Variants in FHAD1 observed in about 807,000 individuals in gnomAD.
The protein encoded by FHAD1 is forkhead-associated domain-containing protein 1.
In FHAD1, 146 loss-of-function variants were observed where a neutral mutation model predicts 191.3. That is an observed-to-expected ratio of 0.76 (90% confidence interval 0.67 to 0.88). The LOEUF is 0.88. Among genes scored for constraint, FHAD1 ranks in the 40% least tolerant of loss-of-function variants. FHAD1 has a pLI of 0.00. For missense variants in FHAD1, 1,635 were observed against 1,785.8 expected, an observed-to-expected ratio of 0.92 and a Z score of 1.52; for synonymous variants, 616 against 672.3, an observed-to-expected ratio of 0.92 and a Z score of 1.29.
rs886442588 is a variant in FHAD1 at position 15,359,158 on chromosome 1, C to T, written c.2736+875C>T. On this transcript the variant is annotated intron_variant, in intron 21 of 33. Coordinates refer to ENST00000688493, the MANE Select transcript of FHAD1 (RefSeq NM_001391957.1). Reference sequence around the variant, plus strand: ...GTCATGGTGGGGGGTTCTCTTGGAGCGACCCTCTTTTGGAGAAGAGGAGAC... The same window carrying T: ...GTCATGGTGGGGGGTTCTCTTGGAGTGACCCTCTTTTGGAGAAGAGGAGAC... Among the ~76,000 whole-genome samples, 9 of 152,062 alleles carry T rather than the reference C, an allele frequency of 5.9e-5. No individual in the cohort carries two copies. The East Asian group carries it at 7.7e-4, about 13-fold the overall frequency.
At chr1:15,383,436 C>T (rs946695174) in intron 31 of FHAD1, 9 of 353,010 alleles carry the variant, frequency 2.5e-5, no homozygotes, top group Non-Finnish European at 3.9e-5. Context: ...AGGGTCTACA[C>T]ACTGGAAAGT....
chr1:15,281,619 G>A (rs1301832122), intron 3 of FHAD1, among the ~76,000 whole-genome samples: 1 of 151,930 alleles, frequency 6.6e-6, no homozygotes, highest in Non-Finnish European at 1.5e-5. Context: ...AAATTAGCCA[G>A]GTGTGGTGGT....
At position 15,316,541 on chromosome 1, in the gene FHAD1, C is replaced by A; in HGVS notation, c.1260+74C>A. The stretch of plus-strand genomic sequence containing the variant: ...TGACCTTGAGGTTCTTGGTGGGATC[C>A]TGGGCCATCACTAAGCATGAAGCTC... On this transcript the variant is annotated intron_variant, in intron 9 of 33. Transcript: ENST00000688493. This position sits in a 1 kb window ranked among gnomAD's most constrained non-coding sequence, Gnocchi z 4.3. The A allele has an allele frequency of 7.9e-7, 1 of 1,264,642 alleles. No individual in the cohort carries two copies. The highest frequency in any genetic ancestry group is 1.1e-6 in the Non-Finnish European group (1 of 892,360). 78.3% of individuals were successfully genotyped at this position (1,264,642 alleles called of 1,614,324 possible). A position where few individuals can be genotyped will look rare whatever the true frequency, so the allele number is the denominator to read the frequency against.
chr1:15,373,567 T>C (rs1698729134), intron 26 of FHAD1, among the ~76,000 whole-genome samples: 2 of 149,158 alleles, frequency 1.3e-5, no homozygotes, highest in Non-Finnish European at 3.0e-5. Context: ...TAAACCCAAC[T>C]CTAGGCTGGT....
chr1:15,369,387 A>G lies in FHAD1; in HGVS notation c.3332A>G (p.His1111Arg). The change falls in exon 26 of 34, where the codon CAC becomes CGC. Residue 1111 changes from histidine to arginine, a missense_variant. Transcript: ENST00000688493. The part of the protein sequence containing the change: ...EEALRASQEK[H>R]RLQLNTEKEQ... ...TACCCTAGGGCTTCCCAAGAGAAAC[A>G]CAGACTCCAGCTGAACACAGAGAAG... The G allele has an allele frequency of 6.4e-7, 1 of 1,552,034 alleles. No individual in the cohort carries two copies. Among genetic ancestry groups the G allele is most frequent in the Non-Finnish European group, 8.7e-7 (1 of 1,147,060 alleles).
chr1:15,293,165 A>G (rs1478648791), intron 4 of FHAD1, among the ~76,000 whole-genome samples: 1 of 152,150 alleles, frequency 6.6e-6, no homozygotes, highest in Non-Finnish European at 1.5e-5. Flanking sequence ...CGTTTTGACA[A>G]TTGTATACAC....
rs1199027755 is a variant in FHAD1, at chr1:15,365,143, T to C, written c.3048-684T>C. The stretch of plus-strand genomic sequence containing the variant: ...AGCCACATTGTCTTCCTCTCTTTTT[T>C]CTTCCCTGTCCCCAAAGAATCCCTG... On this transcript the variant is annotated intron_variant, in intron 23 of 33. Coordinates refer to ENST00000688493, the MANE Select transcript of FHAD1 (RefSeq NM_001391957.1). Among the ~76,000 whole-genome samples, 7 of 152,170 alleles carry C rather than the reference T, an allele frequency of 4.6e-5. 1 individual carries two copies. Among genetic ancestry groups the C allele is most frequent in the South Asian group, 4.1e-4 (2 of 4,834 alleles).
At chr1:15,376,936 G>A (rs899927700) in intron 28 of FHAD1, among the ~76,000 whole-genome samples, 2 of 152,184 alleles carry the variant, frequency 1.3e-5, no homozygotes, top group Admixed American at 6.5e-5. Flanking sequence ...GGCTAGTCAG[G>A]AGGCTGACAT....
chr1:15,384,756 C>T (rs1438036485), intron 31 of FHAD1, among the ~76,000 whole-genome samples: 3 of 152,176 alleles, frequency 2.0e-5, no homozygotes, highest in Non-Finnish European at 2.9e-5. Flanking sequence ...AGTAGAGCCA[C>T]GATCACAGCA....
intron 2 of FHAD1, among the ~76,000 whole-genome samples, chr1:15,256,375 A>G (rs1648054291): frequency 3.3e-5 from 5 of 152,124 alleles, no homozygotes; most frequent in Non-Finnish European, 1.5e-5. Flanking sequence ...CCGCACAGCC[A>G]GGCACGGTGG....
rs11588971 is a variant in FHAD1 at position 15,375,460 on chromosome 1, A to G, written c.3578-143A>G. The G allele has an allele frequency of 0.023, 16,958 of 748,822 alleles. 1,910 individuals are homozygous for G. The African/African-American group carries it at 0.25, about 11-fold the overall frequency. 46.4% of individuals were successfully genotyped at this position (748,822 alleles called of 1,614,324 possible). A position where few individuals can be genotyped will look rare whatever the true frequency, so the allele number is the denominator to read the frequency against. On this transcript the variant is annotated intron_variant, in intron 27 of 33. Transcript: ENST00000688493. The stretch of plus-strand genomic sequence containing the variant: ...CTTGGCCAGGTCATTTAATCTCTCT[A>G]GGACTGTGTCCTCATCTGCCACGGG...
At chr1:15,321,481 T>C (rs1676238532) in intron 10 of FHAD1, among the ~76,000 whole-genome samples, 1 of 152,230 alleles carries the variant, frequency 6.6e-6, no homozygotes, top group Non-Finnish European at 1.5e-5. Flanking sequence ...GACTTAGAGA[T>C]TGACACTTTA....
In FHAD1 at chr1:15,289,283, C is replaced by G; in HGVS notation, c.301-116C>G. The G allele has an allele frequency of 7.3e-7, 1 of 1,377,980 alleles. No individual in the cohort carries two copies. The highest frequency in any genetic ancestry group is 2.6e-4 in the Middle Eastern group (1 of 3,810). 85.4% of individuals were successfully genotyped at this position (1,377,980 alleles called of 1,614,324 possible). ...GATTATAGCTGTGTGCCACCCTGCC[C>G]GACCGGAAGTGACTCATAAACCAAG... is the stretch of plus-strand genomic sequence containing the variant. On this transcript the variant is annotated intron_variant, in intron 3 of 33. Coordinates refer to ENST00000688493, the MANE Select transcript of FHAD1 (RefSeq NM_001391957.1). The surrounding 1 kb of genome is among the most constrained non-coding windows in gnomAD (Gnocchi z 4.2).
At chr1:15,244,566 G>A (rs1219708468), upstream of FHAD1, among the ~76,000 whole-genome samples, 1 of 152,144 alleles carries the variant, frequency 6.6e-6, no homozygotes, top group Non-Finnish European at 1.5e-5. This position sits in a 1 kb window ranked among gnomAD's most constrained non-coding sequence, Gnocchi z 5.1. Context: ...TAGAGAAGCC[G>A]ACATCCTGGG....
intron 33 of FHAD1, among the ~76,000 whole-genome samples, chr1:15,394,798 C>T (rs1261347260): frequency 6.6e-6 from 1 of 152,096 alleles, no homozygotes; most frequent in Non-Finnish European, 1.5e-5. Flanking sequence ...GCCCTCTTGC[C>T]CCAGGTGTAT....
At chr1:15,319,024 T>C (rs1675435232) in intron 10 of FHAD1, among the ~76,000 whole-genome samples, 1 of 152,084 alleles carries the variant, frequency 6.6e-6, no homozygotes, top group Non-Finnish European at 1.5e-5. Flanking sequence ...AAGACAGAGC[T>C]TCACTATGTT....
chr1:15,317,145 C>T (rs1223617840), intron 9 of FHAD1, among the ~76,000 whole-genome samples: 2 of 152,140 alleles, frequency 1.3e-5, no homozygotes, highest in Non-Finnish European at 2.9e-5. Context: ...GAGCCGAGAT[C>T]GTGCCATTGC....
intron 23 of FHAD1, among the ~76,000 whole-genome samples, chr1:15,364,969 A>G (rs1274298324): frequency 1.3e-5 from 2 of 152,098 alleles, no homozygotes; most frequent in Admixed American, 1.3e-4. Flanking sequence ...GTGGGAGGGG[A>G]AGTTGTCCCA....
At chr1:15,386,561 A>G (rs1214175390) in intron 31 of FHAD1, among the ~76,000 whole-genome samples, 1 of 152,206 alleles carries the variant, frequency 6.6e-6, no homozygotes, top group Non-Finnish European at 1.5e-5. Flanking sequence ...AACCACTGAA[A>G]TGCACTAGCT....
Sources: gnomAD v4.1 joint callset for allele counts (sites outside exome capture counted in the v4.1 genomes callset) on GRCh38, gnomAD v4.1.1 for gene constraint, Gnocchi (gnomAD v3.1) non-coding constraint, MANE v1.5 for transcripts, NCBI Gene and HGNC (gene_info 2026-07-23, HGNC 2026-07-21) for gene names.